ABL2: variants seen among roughly 807,000 people sequenced by gnomAD.
ABL2 encodes the protein tyrosine-protein kinase ABL2.
A neutral mutation model predicts 107.7 loss-of-function variants in ABL2; 49 were observed. The observed-to-expected ratio is 0.45, with a 90% CI of 0.36 to 0.58. ABL2 has a LOEUF of 0.58. Ranked by LOEUF, ABL2 falls within the 20% of genes least tolerant of loss-of-function variation. The pLI is 0.00. For missense variants in ABL2, 1,245 were observed against 1,457.0 expected (o/e 0.85, Z 2.37); for synonymous variants, 549 against 548.6 (o/e 1.00, Z -0.01).
intron 1 of ABL2, among the ~76,000 whole-genome samples, chr1:179,215,474 C>T (rs2124839616): frequency 6.6e-6 from 1 of 152,308 alleles, no homozygotes; most frequent in Non-Finnish European, 1.5e-5. Context: ...TGGCTCACGC[C>T]TGTAATCCCA....
At chr1:179,166,975 A>G (rs1448521161) in intron 1 of ABL2, among the ~76,000 whole-genome samples, 1 of 152,158 alleles carries the variant, frequency 6.6e-6, no homozygotes, top group Non-Finnish European at 1.5e-5. Context: ...TAGTACAGCT[A>G]CTATGAAAAA....
Position 179,112,418 on chromosome 1 carries a change from A to G in ABL2, c.1562-20T>C. On this transcript the variant is annotated intron_variant, in intron 9 of 11. Coordinates refer to ENST00000502732, the MANE Select transcript of ABL2 (RefSeq NM_007314.4). Reference sequence around the variant, plus strand: ...TCCAGCCTATGTAACAGAAGAAAAAATATTAAAAACTCCTTGCAGAAATTC... The same window carrying G: ...TCCAGCCTATGTAACAGAAGAAAAAGTATTAAAAACTCCTTGCAGAAATTC... 6.2e-7 allele frequency: 1 copy of G among 1,600,108 alleles called. No homozygotes were observed. The highest frequency in any genetic ancestry group is 8.6e-7 in the Non-Finnish European group (1 of 1,168,408).
At chr1:179,211,964 C>T (rs1178813787) in intron 1 of ABL2, among the ~76,000 whole-genome samples, 1 of 152,074 alleles carries the variant, frequency 6.6e-6, no homozygotes, top group Non-Finnish European at 1.5e-5. Context: ...TCCATTCTCA[C>T]GCTACTGTGA....
In ABL2 at chr1:179,197,949, G is replaced by A. The variant is rs1397617211; in HGVS notation, c.157+31292C>T. ...AGCACTTTAGGAGGCTGAGGCGGGC[G>A]GATCACTTGAGTCCAGGAATTCAAG... On this transcript the variant is annotated intron_variant, in intron 1 of 11. Transcript: ENST00000502732. Among the ~76,000 whole-genome samples, 3 of 151,664 alleles carry A rather than the reference G, an allele frequency of 2.0e-5. No homozygotes were observed. The East Asian group carries it at 5.8e-4, about 29-fold the overall frequency.
intron 1 of ABL2, among the ~76,000 whole-genome samples, chr1:179,145,347 TC>T (rs1657908474): frequency 6.6e-6 from 1 of 152,172 alleles, no homozygotes; most frequent in Non-Finnish European, 1.5e-5. Context: ...TACTAAGGTC[TC>T]CAAAGGCCTT....
chr1:179,107,834 G>A lies in ABL2; in HGVS notation c.3433C>T (p.Leu1145Phe). Residue 1145 changes from leucine to phenylalanine, a missense_variant, in exon 12 of 12, where the codon CTC becomes TTC. Coordinates refer to ENST00000502732, the MANE Select transcript of ABL2 (RefSeq NM_007314.4). ...GAAACCTGTAGCTCCTGCAGGCTGA[G>A]TTCCAGTTTGCTCACAGCCTCTCGG... ...AFREAVSKLE[L>F]SLQELQVSSA... The A allele has an allele frequency of 1.2e-6, 2 of 1,614,104 alleles. No homozygotes were observed. Among genetic ancestry groups the A allele is most frequent in the East Asian group, 2.2e-5 (1 of 44,900 alleles).
intron 1 of ABL2, among the ~76,000 whole-genome samples, chr1:179,171,424 T>G (rs1014619848): frequency 6.6e-5 from 10 of 152,214 alleles, no homozygotes; most frequent in African/African-American, 1.9e-4. Context: ...AATTATAGTA[T>G]GTAATTAATT....
chr1:179,109,271 G>C lies in ABL2; in HGVS notation c.1996C>G (p.Pro666Ala), dbSNP rs763563592. 7 of 1,614,124 alleles carry C rather than the reference G, an allele frequency of 4.3e-6. No individual in the cohort carries two copies. Among genetic ancestry groups the C allele is most frequent in the Admixed American group, 1.7e-5 (1 of 60,020 alleles). The change falls in exon 12 of 12, where the codon CCC becomes GCC. Residue 666 changes from proline (P) to alanine (A), a missense_variant. Pro to Ala is a conservative substitution (Grantham distance 27). Around this residue, in one of 3 missense-constraint regions of ABL2, gnomAD observed 761 missense variants for 766.4 expected, o/e 0.99. Coordinates refer to ENST00000502732, the MANE Select transcript of ABL2 (RefSeq NM_007314.4). The part of the protein sequence containing the change: ...FMKKRNAPTP[P>A]KRSSSFREME... ...TCTCGGAAGGAGCTGCTGCGTTTGGGGGGTGTAGGAGCATTTCTCTTCTTC... is the reference window on the plus strand; with the variant it reads ...TCTCGGAAGGAGCTGCTGCGTTTGGCGGGTGTAGGAGCATTTCTCTTCTTC...
chr1:179,142,274 A>T lies in ABL2; in HGVS notation c.158-8900T>A, dbSNP rs28914506. Among the ~76,000 whole-genome samples, 1,154 of 151,546 alleles carry T rather than the reference A, an allele frequency of 7.6e-3. 13 individuals are homozygous for T. Among genetic ancestry groups the T allele is most frequent in the African/African-American group, 0.026 (1,068 of 40,806 alleles). ...TAACAGAAATATATTATCACAATTT[A>T]AAAAAGGCATTTTTTTTCTATTGCT... is the stretch of plus-strand genomic sequence containing the variant. On this transcript the variant is annotated intron_variant, in intron 1 of 11. Coordinates refer to ENST00000502732, the MANE Select transcript of ABL2 (RefSeq NM_007314.4).
Position 179,103,497 on chromosome 1 carries a change from GGACT to G in ABL2, c.*4217_*4220del, listed in dbSNP as rs371006818. On this transcript the variant is annotated 3_prime_UTR_variant, in exon 12 of 12. Coordinates refer to ENST00000502732, the MANE Select transcript of ABL2 (RefSeq NM_007314.4). The stretch of plus-strand genomic sequence containing the variant: ...GTTTTTTTAAAGAAAAGGGAATGTA[GGACT>G]AACTAGGTTTTTTAAAAACTCAAGT... 6.0e-3 allele frequency: 1,254 copies of G among 209,724 alleles called. 13 individuals carry two copies. Among genetic ancestry groups the G allele is most frequent in the African/African-American group, 0.027 (1,182 of 44,116 alleles). The allele number at this position is 209,724 out of a possible 1,614,324, so 13.0% of individuals were successfully genotyped here.
chr1:179,136,411 C>T (rs1656985939), intron 1 of ABL2, among the ~76,000 whole-genome samples: 1 of 152,148 alleles, frequency 6.6e-6, no homozygotes, highest in Non-Finnish European at 1.5e-5. Context: ...TGACCTTACC[C>T]CCAACCCTGT....
chr1:179,101,377 C>CTTTTTTTTTTTTTTTTTT lies in ABL2; in HGVS notation c.*6340_*6341insAAAAAAAAAAAAAAAAAA, dbSNP rs71108091. The CTTTTTTTTTTTTTTTTTT allele has an allele frequency of 6.0e-6, 1 of 166,924 alleles. No individual in the cohort carries two copies. The allele number at this position is 166,924 out of a possible 1,614,324, so 10.3% of individuals were successfully genotyped here. On this transcript the variant is annotated 3_prime_UTR_variant, in exon 12 of 12. Coordinates refer to ENST00000502732, the MANE Select transcript of ABL2 (RefSeq NM_007314.4). ...ATATTGAGTCAGAAATGAAGGTATC[C>CTTTTTTTTTTTTTTTTTT]TTTTTTTTTTTTTTCTTCTTAACGT...
chr1:179,142,072 G>C (rs1377217188), intron 1 of ABL2, among the ~76,000 whole-genome samples: 8 of 152,202 alleles, frequency 5.3e-5, no homozygotes, highest in Admixed American at 5.2e-4. Context: ...ACGCCCAAAT[G>C]CAAGTGTGTG....
At chr1:179,215,554 C>T (rs776144029) in intron 1 of ABL2, among the ~76,000 whole-genome samples, 64 of 152,058 alleles carry the variant, frequency 4.2e-4, no homozygotes, top group Non-Finnish European at 8.1e-4. Context: ...GCTAACAACC[C>T]TTTCTCTACT....
chr1:179,201,932 T>C, intron 1 of ABL2: 1 of 1,219,020 alleles, frequency 8.2e-7, no homozygotes, highest in Non-Finnish European at 1.0e-6. Flanking sequence ...TCTGAGGGGC[T>C]GTCCTGCCAC....
At chr1:179,183,988 G>C in intron 1 of ABL2, 1 of 265,264 alleles carries the variant, frequency 3.8e-6, no homozygotes, top group Non-Finnish European at 7.4e-6. Context: ...ACATATTGAT[G>C]AAGTACAAAA....
At chr1:179,116,128 C>G (rs1003510278) in intron 8 of ABL2, among the ~76,000 whole-genome samples, 1 of 152,150 alleles carries the variant, frequency 6.6e-6, no homozygotes, top group Admixed American at 6.5e-5. Flanking sequence ...AATCCCAACA[C>G]TTTGGGAGGC....
In ABL2 at chr1:179,109,457, C is replaced by T. The variant is rs776449797; in HGVS notation, c.1826-16G>A. 5.5e-5 allele frequency: 88 copies of T among 1,586,628 alleles called. No homozygotes were observed. In the East Asian group the frequency reaches 1.7e-3, roughly 31 times the overall value. Reference sequence around the variant, plus strand: ...CTGATGAACCCTGATGAGAAATGGCCGATCAGTAACTTAAAAGACAAGAAG... The same window carrying T: ...CTGATGAACCCTGATGAGAAATGGCTGATCAGTAACTTAAAAGACAAGAAG... On this transcript the variant is annotated splice_polypyrimidine_tract_variant and intron_variant, in intron 11 of 11. Transcript: ENST00000502732.
intron 1 of ABL2, among the ~76,000 whole-genome samples, chr1:179,219,130 C>T (rs1300113381): frequency 6.6e-6 from 1 of 152,184 alleles, no homozygotes; most frequent in East Asian, 1.9e-4. Flanking sequence ...GCAGCCTCAA[C>T]CTCCTGGCCT....
Sources: gnomAD v4.1 joint callset for allele counts (sites outside exome capture counted in the v4.1 genomes callset) on GRCh38, gnomAD v4.1.1 for gene constraint, gnomAD v4.1.1 regional missense constraint, MANE v1.5 for transcripts, NCBI Gene and HGNC (gene_info 2026-07-23, HGNC 2026-07-21) for gene names.